The following EPHA7 variants were observed in gnomAD, a reference collection of about 807,000 sequenced individuals.
EPHA7 encodes ephrin type-A receptor 7.
EPHA7 carries 25 observed loss-of-function variants against 112.6 expected under a neutral mutation model. The observed-to-expected ratio is 0.22, with a 90% CI of 0.16 to 0.31. EPHA7 has a LOEUF of 0.31. EPHA7 is among the 10% of genes least tolerant of loss of function. The probability of loss-of-function intolerance (pLI) is 1.00; values close to 1 mark genes in which losing one functional copy is unlikely to be tolerated. For missense variants in EPHA7, 962 were observed against 1,212.6 expected (o/e 0.79, Z 3.07); for synonymous variants, 437 against 406.5 (o/e 1.07, Z -0.90).
At chr6:93,345,758 T>C (rs931575079) in intron 5 of EPHA7, among the ~76,000 whole-genome samples, 1 of 151,594 alleles carries the variant, frequency 6.6e-6, no homozygotes, top group East Asian at 1.9e-4. Context: ...ACCCTATTAC[T>C]TGGATCAGTT....
chr6:93,385,353 A>G lies in EPHA7; in HGVS notation c.832+25148T>C, dbSNP rs542330072. On this transcript the variant is annotated intron_variant, in intron 3 of 16. Coordinates refer to ENST00000369303, the MANE Select transcript of EPHA7 (RefSeq NM_004440.4). Reference sequence around the variant, plus strand: ...CAGTGTGTCTAAATAATCCACCTCTATGTCATCTAGCAGTCAGAAAGGAAT... The same window carrying G: ...CAGTGTGTCTAAATAATCCACCTCTGTGTCATCTAGCAGTCAGAAAGGAAT... Among the ~76,000 whole-genome samples the G allele has an allele frequency of 2.0e-5, 3 of 152,238 alleles. No individual in the cohort carries two copies. In the South Asian group the frequency reaches 6.2e-4, roughly 32 times the overall value.
chr6:93,393,756 C>G (rs1040883803), intron 3 of EPHA7, among the ~76,000 whole-genome samples: 1 of 151,702 alleles, frequency 6.6e-6, no homozygotes, highest in Admixed American at 6.6e-5. Flanking sequence ...AATTTAGATT[C>G]GAACACCTGG....
chr6:93,246,769 C>A lies in EPHA7; in HGVS notation c.2726+23G>T, dbSNP rs746963593. On this transcript the variant is annotated intron_variant, in intron 15 of 16. Coordinates refer to ENST00000369303, the MANE Select transcript of EPHA7 (RefSeq NM_004440.4). ...TTACTATTGTAATTTCTCCCAGATT[C>A]CATTCCCTTAGGCATTTCTTACCTA... The A allele has an allele frequency of 9.6e-6, 15 of 1,567,190 alleles. No homozygotes were observed. The Admixed American group carries it at 2.6e-4, about 27-fold the overall frequency.
At chr6:93,319,878 T>C (rs1773981548) in intron 5 of EPHA7, among the ~76,000 whole-genome samples, 1 of 152,140 alleles carries the variant, frequency 6.6e-6, no homozygotes, top group African/African-American at 2.4e-5. Context: ...CTGACAATTA[T>C]AAATTCACAT....
intron 5 of EPHA7, among the ~76,000 whole-genome samples, chr6:93,289,360 TAAC>T (rs1288174364): frequency 6.6e-6 from 1 of 152,130 alleles, no homozygotes; most frequent in Non-Finnish European, 1.5e-5. Flanking sequence ...GAAATTTTGA[TAAC>T]AATGAATTAC....
rs148533113 is a variant in EPHA7 at position 93,353,262 on chromosome 6, T to C, written c.1324+3455A>G. ...TTCAGCCTTAATAGGTCAATATAAT[T>C]ACTAACAAAACAACAAGAACAAAAA... On this transcript the variant is annotated intron_variant, in intron 5 of 16. Transcript: ENST00000369303. Among the ~76,000 whole-genome samples the C allele has an allele frequency of 8.3e-3, 1,257 of 152,172 alleles. 16 individuals are homozygous for C. The highest frequency in any genetic ancestry group is 0.029 in the African/African-American group (1,195 of 41,542).
At chr6:93,314,106 CTTCA>C (rs1355959201) in intron 5 of EPHA7, among the ~76,000 whole-genome samples, 16 of 151,940 alleles carry the variant, frequency 1.1e-4, no homozygotes, top group South Asian at 4.2e-4. Context: ...TTATCCTTCT[CTTCA>C]TTCATTTATT....
chr6:93,400,498 A>G (rs1188865762), intron 3 of EPHA7, among the ~76,000 whole-genome samples: 1 of 151,756 alleles, frequency 6.6e-6, no homozygotes, highest in Non-Finnish European at 1.5e-5. Context: ...TCCTGGTCCA[A>G]CTCTCTTTTA....
At chr6:93,263,288 A>T (rs1171377628) in intron 9 of EPHA7, among the ~76,000 whole-genome samples, 1 of 151,398 alleles carries the variant, frequency 6.6e-6, no homozygotes, top group Non-Finnish European at 1.5e-5. Flanking sequence ...TTGGGTCCCT[A>T]AGCTTTCTTC....
At chr6:93,265,984 A>G (rs1770916659) in intron 7 of EPHA7, among the ~76,000 whole-genome samples, 1 of 151,706 alleles carries the variant, frequency 6.6e-6, no homozygotes, top group Non-Finnish European at 1.5e-5. Context: ...AACAGGAAAA[A>G]TCGCTCTGGT....
chr6:93,364,787 T>C (rs1776428062), intron 3 of EPHA7, among the ~76,000 whole-genome samples: 2 of 152,210 alleles, frequency 1.3e-5, no homozygotes, highest in Admixed American at 1.3e-4. Flanking sequence ...TTTAAGACTA[T>C]TAGAAATCTA....
rs1408104586 is a variant in EPHA7, at chr6:93,255,872, A to G, written c.2338T>C (p.Ser780Pro). 1.2e-6 allele frequency: 2 copies of G among 1,614,080 alleles called. No individual in the cohort carries two copies. The highest frequency in any genetic ancestry group is 2.2e-5 in the South Asian group (2 of 91,078). The change falls in exon 13 of 17, where the codon TCC becomes CCC. Residue 780 changes from serine (S) to proline (P), a missense_variant. By Grantham distance (74) the Ser-to-Pro change is moderately conservative. Coordinates refer to ENST00000369303, the MANE Select transcript of EPHA7 (RefSeq NM_004440.4). ...LVCKVSDFGL[S>P]RVIEDDPEAV... ...TCTGGATCATCCTCTATAACTCGGG[A>G]CAGGCCAAAATCTGACACTTTACAA...
intron 5 of EPHA7, among the ~76,000 whole-genome samples, chr6:93,291,851 T>C (rs945583155): frequency 4.0e-5 from 6 of 151,792 alleles, no homozygotes; most frequent in Non-Finnish European, 8.8e-5. Flanking sequence ...GTCAGTTGCT[T>C]CCCAATGATT....
intron 14 of EPHA7, 53 bp downstream of exon 14, chr6:93,254,594 T>C: frequency 6.8e-7 from 1 of 1,478,284 alleles, no homozygotes; most frequent in Non-Finnish European, 9.3e-7. Flanking sequence ...GTTCCAGTAA[T>C]ACTGGCCATT....
chr6:93,351,430 T>A (rs1044608944), intron 5 of EPHA7, among the ~76,000 whole-genome samples: 4 of 152,072 alleles, frequency 2.6e-5, no homozygotes, highest in African/African-American at 4.8e-5. Flanking sequence ...GGAGCCCAAC[T>A]TGAGAAACTA....
intron 5 of EPHA7, among the ~76,000 whole-genome samples, chr6:93,300,631 T>C (rs117004815): frequency 3.3e-5 from 5 of 152,200 alleles, no homozygotes; most frequent in Admixed American, 6.6e-5. Context: ...CAAATAACTA[T>C]GAAAATTCTC....
At chr6:93,298,321 G>A (rs1772781564) in intron 5 of EPHA7, among the ~76,000 whole-genome samples, 1 of 152,034 alleles carries the variant, frequency 6.6e-6, no homozygotes, top group Non-Finnish European at 1.5e-5. Flanking sequence ...TAAAATTTAA[G>A]CCATTTAACA....
At chr6:93,350,180 C>T (rs1045617608) in intron 5 of EPHA7, among the ~76,000 whole-genome samples, 5 of 151,886 alleles carry the variant, frequency 3.3e-5, no homozygotes, top group Non-Finnish European at 7.4e-5. Context: ...AAGGCAAATG[C>T]TATATTTAGC....
chr6:93,376,406 G>C (rs889881109), intron 3 of EPHA7, among the ~76,000 whole-genome samples: 6 of 152,100 alleles, frequency 3.9e-5, no homozygotes, highest in Non-Finnish European at 7.4e-5. Flanking sequence ...CTCTCAAAGT[G>C]CTGGAATTAC....
Sources: allele counts gnomAD v4.1 joint callset (sites outside exome capture counted in the v4.1 genomes callset), GRCh38; gene constraint gnomAD v4.1.1; transcripts MANE v1.5; gene names NCBI Gene and HGNC (gene_info 2026-07-23, HGNC 2026-07-21).